The following CTNNA2 variants were observed in gnomAD, a reference collection of about 807,000 sequenced individuals.
CTNNA2 encodes catenin alpha 2.
CTNNA2 carries 42 observed loss-of-function variants against 101.0 expected under a neutral mutation model. That is an observed-to-expected ratio of 0.42 (90% CI 0.32 to 0.54). CTNNA2 has a LOEUF of 0.54. CTNNA2 is among the 20% of genes least tolerant of loss of function. CTNNA2 has a pLI of 0.14. For missense variants in CTNNA2, 871 were observed against 1,223.1 expected (o/e 0.71, Z 4.29); for synonymous variants, 450 against 456.4 (o/e 0.99, Z 0.18).
At chr2:80,370,696 A>C (rs1310316012) in intron 7 of CTNNA2, among the ~76,000 whole-genome samples, 4 of 152,208 alleles carry the variant, frequency 2.6e-5, no homozygotes, top group African/African-American at 9.6e-5. Flanking sequence ...CAAATAAGAT[A>C]AAGATATTCT....
chr2:80,237,002 T>C (rs1041684835), intron 7 of CTNNA2, among the ~76,000 whole-genome samples: 3 of 152,192 alleles, frequency 2.0e-5, no homozygotes, highest in African/African-American at 7.2e-5. Flanking sequence ...CAGTAACATA[T>C]TGAAAGAAAT....
chr2:80,161,611 T>C (rs1051954997), intron 7 of CTNNA2, among the ~76,000 whole-genome samples: 12 of 152,338 alleles, frequency 7.9e-5, no homozygotes, highest in African/African-American at 2.6e-4. Context: ...ACTTTGAAAA[T>C]GTTAAAGTTT....
intron 7 of CTNNA2, among the ~76,000 whole-genome samples, chr2:80,265,881 GGAACATCT>G (rs1672967563): frequency 6.6e-6 from 1 of 152,130 alleles, no homozygotes. Flanking sequence ...GTCCCAACAT[GGAACATCT>G]GATTAAGTAG....
At chr2:80,092,807 G>A in intron 7 of CTNNA2, among the ~76,000 whole-genome samples, 1 of 151,938 alleles carries the variant, frequency 6.6e-6, no homozygotes, top group Non-Finnish European at 1.5e-5. Context: ...TCCATCCAGA[G>A]GTTCCCTTGG....
At chr2:80,154,627 A>T (rs1158961129) in intron 7 of CTNNA2, among the ~76,000 whole-genome samples, 2 of 152,148 alleles carry the variant, frequency 1.3e-5, no homozygotes, top group East Asian at 3.9e-4. Flanking sequence ...GTCAGGGTGG[A>T]CAAGATTGTG....
intron 4 of CTNNA2, among the ~76,000 whole-genome samples, chr2:79,377,441 T>G (rs1263843496): frequency 6.6e-6 from 1 of 152,210 alleles, no homozygotes; most frequent in African/African-American, 2.4e-5. Context: ...ACAAAGCTGC[T>G]TAGCCCATAA....
chr2:80,484,822 C>T (rs546565057), intron 9 of CTNNA2, among the ~76,000 whole-genome samples: 122 of 152,038 alleles, frequency 8.0e-4, no homozygotes, highest in Non-Finnish European at 1.1e-3. Context: ...CTGGCTACCA[C>T]GGTGAAACCT....
chr2:79,977,965 G>T (rs969061128), intron 7 of CTNNA2, among the ~76,000 whole-genome samples: 2 of 152,182 alleles, frequency 1.3e-5, no homozygotes, highest in East Asian at 3.9e-4. Context: ...AGTAATGCAG[G>T]GACTCTCCAG....
chr2:79,793,048 T>C (rs1190755268), intron 3 of CTNNA2, among the ~76,000 whole-genome samples: 1 of 152,116 alleles, frequency 6.6e-6, no homozygotes, highest in African/African-American at 2.4e-5. Context: ...GAATTTTGGA[T>C]GGTATGTATG....
chr2:79,767,016 A>G (rs1200456019), intron 3 of CTNNA2, among the ~76,000 whole-genome samples: 3 of 151,742 alleles, frequency 2.0e-5, no homozygotes, highest in African/African-American at 7.3e-5. Context: ...GGCCTCCCAA[A>G]GTGCTGGGAT....
At chr2:80,364,923 G>T (rs1312394870) in intron 7 of CTNNA2, among the ~76,000 whole-genome samples, 2 of 152,100 alleles carry the variant, frequency 1.3e-5, no homozygotes, top group Non-Finnish European at 2.9e-5. Flanking sequence ...AGAAACTCGG[G>T]TTTATGATTA....
chr2:79,451,843 A>C lies in CTNNA2; in HGVS notation c.-134-53211A>C, dbSNP rs899052216. On this transcript the variant is annotated intron_variant, in intron 4 of 21. Transcript: ENST00000466387. ...ATTATATTGTATGCTAGATATAGTG[A>C]ATATTATATTTTGAATTTTGTATAT... 2.0e-5 allele frequency among the ~76,000 whole-genome samples: 3 copies of C among 151,702 alleles called. 1 individual carries two copies. Among genetic ancestry groups the C allele is most frequent in the Admixed American group, 1.3e-4 (2 of 15,170 alleles).
At chr2:80,608,163 C>A (rs778012088) in intron 16 of CTNNA2, 21 bp from the exon 17 acceptor site, 1 of 1,590,210 alleles carries the variant, frequency 6.3e-7, no homozygotes, top group East Asian at 2.2e-5. Context: ...TAATCAAGAT[C>A]ACTCTTTTAA....
intron 7 of CTNNA2, among the ~76,000 whole-genome samples, chr2:80,064,963 G>T (rs1298062886): frequency 6.6e-6 from 1 of 152,180 alleles, no homozygotes; most frequent in Non-Finnish European, 1.5e-5. Context: ...GATAATGGTT[G>T]AAGAACCAGA....
intron 3 of CTNNA2, among the ~76,000 whole-genome samples, chr2:79,318,096 A>G (rs1158264468): frequency 1.3e-5 from 2 of 152,056 alleles, no homozygotes; most frequent in South Asian, 2.1e-4. Flanking sequence ...AATTATTATG[A>G]TATGTTTTTG....
At chr2:80,079,673 G>A (rs986437720) in intron 7 of CTNNA2, among the ~76,000 whole-genome samples, 2 of 151,960 alleles carry the variant, frequency 1.3e-5, no homozygotes, top group African/African-American at 4.8e-5. Flanking sequence ...AATTAGCCGG[G>A]CGTGGTGGCG....
chr2:79,935,739 T>C (rs925689296), intron 7 of CTNNA2, among the ~76,000 whole-genome samples: 3 of 152,198 alleles, frequency 2.0e-5, no homozygotes, highest in Non-Finnish European at 2.9e-5. Context: ...CTAAAACGTT[T>C]TGGGGTTTGC....
At chr2:80,004,228 C>G (rs1418768003) in intron 7 of CTNNA2, among the ~76,000 whole-genome samples, 1 of 152,082 alleles carries the variant, frequency 6.6e-6, no homozygotes, top group African/African-American at 2.4e-5. Flanking sequence ...TTCTGAGGAG[C>G]ATTTCATAGG....
chr2:79,523,416 G>A, intron 1 of CTNNA2: 2 of 198,388 alleles, frequency 1.0e-5, no homozygotes, highest in South Asian at 8.0e-5. Context: ...CTCCACACTG[G>A]CTCAAAAACA....
Sources: gnomAD v4.1 joint callset for allele counts (sites outside exome capture counted in the v4.1 genomes callset) on GRCh38, gnomAD v4.1.1 for gene constraint, MANE v1.5 for transcripts, NCBI Gene and HGNC (gene_info 2026-07-23, HGNC 2026-07-21) for gene names.